PLXDC2: variants seen among roughly 807,000 people sequenced by gnomAD.
PLXDC2 encodes the protein plexin domain containing 2.
In PLXDC2, 40 loss-of-function variants were observed where a neutral mutation model predicts 68.9. The ratio of observed to expected loss-of-function variants is 0.58; its 90% CI spans 0.45 to 0.76. PLXDC2 has a LOEUF of 0.76. PLXDC2 is among the 30% of genes least tolerant of loss of function. The pLI is 0.00. For synonymous variants in PLXDC2, 243 were observed against 234.2 expected (o/e 1.04, Z -0.34); for missense variants, 644 against 661.9 (o/e 0.97, Z 0.30).
At chr10:20,174,581 T>C (rs928900230) in intron 7 of PLXDC2, among the ~76,000 whole-genome samples, 5 of 151,806 alleles carry the variant, frequency 3.3e-5, no homozygotes, top group African/African-American at 1.2e-4. Context: ...AATGTCATGA[T>C]GAGTAATTAG....
At chr10:20,130,991 A>G (rs1163814378) in intron 4 of PLXDC2, among the ~76,000 whole-genome samples, 1 of 152,150 alleles carries the variant, frequency 6.6e-6, no homozygotes, top group Admixed American at 6.5e-5. Flanking sequence ...GCTGGCCATG[A>G]GAAAAGAGTT....
intron 1 of PLXDC2, among the ~76,000 whole-genome samples, chr10:19,878,816 G>GA (rs1837679683): frequency 1.3e-5 from 2 of 152,074 alleles, no homozygotes; most frequent in African/African-American, 4.8e-5. Flanking sequence ...TATTAGAGAA[G>GA]ATATATAAAA....
In PLXDC2 at chr10:20,211,724, GA is replaced by G; in HGVS notation, c.1119del (p.Glu374SerfsTer23). On this transcript the variant is annotated frameshift_variant, in exon 10 of 14. Coordinates refer to ENST00000377252, the MANE Select transcript of PLXDC2 (RefSeq NM_032812.9). LOFTEE classifies it high-confidence loss of function. ...RQDWVDSGCPEESKEKMCENT... is the reference protein window; with the variant it reads ...RQDWVDSGCPXESKEKMCENT... Reference sequence around the variant, plus strand: ...GGACTGGGTGGACAGTGGATGCCCTGAAGAGGTACACATGCTTTATTGTGAC... The same window carrying G: ...GGACTGGGTGGACAGTGGATGCCCTGAGAGGTACACATGCTTTATTGTGAC... 1 of 1,612,894 alleles carries G rather than the reference GA, an allele frequency of 6.2e-7. No homozygotes were observed. The highest frequency in any genetic ancestry group is 8.5e-7 in the Non-Finnish European group (1 of 1,179,190).
chr10:20,262,393 T>C (rs181312130), intron 13 of PLXDC2, among the ~76,000 whole-genome samples: 1 of 152,358 alleles, frequency 6.6e-6, no homozygotes, highest in East Asian at 1.9e-4. Flanking sequence ...CCCAGGCATG[T>C]GTGGAGACCC....
intron 1 of PLXDC2, among the ~76,000 whole-genome samples, chr10:19,847,025 C>T (rs1298166756): frequency 1.3e-5 from 2 of 152,038 alleles, no homozygotes; most frequent in Non-Finnish European, 2.9e-5. Context: ...CAGAGAACAG[C>T]ATGGGAAAAA....
At chr10:20,141,630 C>T (rs551205246) in intron 4 of PLXDC2, among the ~76,000 whole-genome samples, 13 of 151,988 alleles carry the variant, frequency 8.6e-5, no homozygotes, top group Admixed American at 3.3e-4. Context: ...ATTATAAATG[C>T]ATGCTGGAGA....
chr10:20,144,003 G>GA (rs34205077), intron 5 of PLXDC2, among the ~76,000 whole-genome samples: 2 of 151,656 alleles, frequency 1.3e-5, no homozygotes, highest in African/African-American at 4.8e-5. Flanking sequence ...ATAAAATAGA[G>GA]AAAAAAACTA....
chr10:19,868,332 C>T (rs971576830), intron 1 of PLXDC2, among the ~76,000 whole-genome samples: 1 of 152,060 alleles, frequency 6.6e-6, no homozygotes, highest in East Asian at 1.9e-4. Flanking sequence ...CATTTCTTCT[C>T]AATATTTAGC....
chr10:20,172,669 A>T (rs1386326641), intron 7 of PLXDC2, among the ~76,000 whole-genome samples: 1 of 152,156 alleles, frequency 6.6e-6, no homozygotes, highest in Non-Finnish European at 1.5e-5. Flanking sequence ...GGAAGGCAGG[A>T]AATGCAGCTG....
intron 1 of PLXDC2, among the ~76,000 whole-genome samples, chr10:19,933,073 C>G (rs1233998456): frequency 6.6e-6 from 1 of 152,172 alleles, no homozygotes; most frequent in Non-Finnish European, 1.5e-5. Context: ...ACCAAGCATG[C>G]AAGTGTTGTT....
intron 2 of PLXDC2, among the ~76,000 whole-genome samples, chr10:20,044,077 A>G (rs1426287374): frequency 1.5e-5 from 1 of 66,872 alleles, no homozygotes; most frequent in Non-Finnish European, 3.4e-5. Flanking sequence ...AGACTTGCGC[A>G]GGGATCTGGC....
chr10:20,094,047 A>G (rs1165002475), intron 4 of PLXDC2, among the ~76,000 whole-genome samples: 1 of 152,224 alleles, frequency 6.6e-6, no homozygotes, highest in East Asian at 1.9e-4. Context: ...TTAATTGGAA[A>G]CAGTACAAAT....
rs1836146810 is a variant in PLXDC2, at chr10:20,285,851, C to T, written c.*6032C>T. The T allele has an allele frequency of 6.6e-6, 1 of 152,132 alleles. No individual in the cohort carries two copies. Among genetic ancestry groups the T allele is most frequent in the Non-Finnish European group, 1.5e-5 (1 of 68,024 alleles). The allele number at this position is 152,132 out of a possible 1,614,324, so 9.4% of individuals were successfully genotyped here. On this transcript the variant is annotated 3_prime_UTR_variant, in exon 14 of 14. Coordinates refer to ENST00000377252, the MANE Select transcript of PLXDC2 (RefSeq NM_032812.9). ...AATCAGGGAAATCAGAAAACTCCAG[C>T]CTCAAATGTGTCTATAATTTCCTGT... is the stretch of plus-strand genomic sequence containing the variant.
rs533143425 is a variant in PLXDC2 at position 20,238,942 on chromosome 10, C to G, written c.1313-6403C>G. Among the ~76,000 whole-genome samples the G allele has an allele frequency of 4.0e-5, 6 of 151,690 alleles. 1 individual carries two copies. The South Asian group carries it at 1.2e-3, about 32-fold the overall frequency. ...TATTATCTTGGATACTATTGATTTTCTCTGCTTCATTTTATATTAAAAATG... is the reference window on the plus strand; with the variant it reads ...TATTATCTTGGATACTATTGATTTTGTCTGCTTCATTTTATATTAAAAATG... On this transcript the variant is annotated intron_variant, in intron 12 of 13. Coordinates refer to ENST00000377252, the MANE Select transcript of PLXDC2 (RefSeq NM_032812.9).
intron 1 of PLXDC2, among the ~76,000 whole-genome samples, chr10:19,912,126 C>T (rs1293434327): frequency 1.3e-5 from 2 of 152,144 alleles, no homozygotes; most frequent in African/African-American, 2.4e-5. Flanking sequence ...AAGCATTTTG[C>T]TTCTTTGGTA....
chr10:19,858,155 T>A (rs1210522660), intron 1 of PLXDC2, among the ~76,000 whole-genome samples: 2 of 152,166 alleles, frequency 1.3e-5, no homozygotes, highest in Non-Finnish European at 2.9e-5. Context: ...AAGAACAGTT[T>A]AGAGTTGCTG....
At chr10:20,071,569 C>G (rs1380606688) in intron 4 of PLXDC2, among the ~76,000 whole-genome samples, 2 of 152,174 alleles carry the variant, frequency 1.3e-5, no homozygotes, top group Non-Finnish European at 2.9e-5. Context: ...GTAAGACATG[C>G]CTTTACTCCT....
chr10:20,249,612 C>T (rs1367090024), intron 13 of PLXDC2, among the ~76,000 whole-genome samples: 1 of 152,154 alleles, frequency 6.6e-6, no homozygotes, highest in Admixed American at 6.5e-5. Context: ...CCCCTTGTGA[C>T]TACATTGGGC....
intron 1 of PLXDC2, among the ~76,000 whole-genome samples, chr10:19,874,646 G>A (rs918310930): frequency 6.6e-6 from 1 of 152,246 alleles, no homozygotes; most frequent in African/African-American, 2.4e-5. Context: ...GTTGGATGCA[G>A]ACAAGCGAAT....
Sources: gnomAD v4.1 joint callset for allele counts (sites outside exome capture counted in the v4.1 genomes callset) on GRCh38, gnomAD v4.1.1 for gene constraint, MANE v1.5 for transcripts, NCBI Gene and HGNC (gene_info 2026-07-23, HGNC 2026-07-21) for gene names.